PLXDC1: variants seen among roughly 807,000 people sequenced by gnomAD.
PLXDC1 encodes plexin domain-containing protein 1.
A neutral mutation model predicts 61.3 loss-of-function variants in PLXDC1; 39 were observed. That is an observed-to-expected ratio of 0.64 (90% CI 0.49 to 0.83). PLXDC1 has a LOEUF of 0.83. PLXDC1 is among the 40% of genes least tolerant of loss of function. The probability of loss-of-function intolerance (pLI) is 0.00; values close to 1 mark genes in which losing one functional copy is unlikely to be tolerated. For missense variants in PLXDC1, 596 were observed against 666.5 expected (o/e 0.89, Z 1.17); for synonymous variants, 212 against 254.5 (o/e 0.83, Z 1.59).
rs1908858498 is a variant in PLXDC1, at chr17:39,065,428, TCA to T, written c.*2410_*2411del. On this transcript the variant is annotated 3_prime_UTR_variant, in exon 14 of 14. Transcript: ENST00000315392. ...TTTTTTTTTTTTCGGAGACAGGGTC[TCA>T]CTCTGTCACCCAGGCTGGAGTACAG... is the stretch of plus-strand genomic sequence containing the variant. The T allele has an allele frequency of 7.2e-6, 1 of 138,612 alleles. No individual in the cohort carries two copies. The highest frequency in any genetic ancestry group is 1.5e-5 in the Non-Finnish European group (1 of 65,798). 8.6% of individuals were successfully genotyped at this position (138,612 alleles called of 1,614,324 possible).
chr17:39,142,959 G>A (rs888262984), intron 1 of PLXDC1, among the ~76,000 whole-genome samples: 1 of 152,070 alleles, frequency 6.6e-6, no homozygotes, highest in Non-Finnish European at 1.5e-5. Context: ...CCAACATGAC[G>A]AAACCCCGTC....
At chr17:39,100,548 C>G (rs1377660484) in intron 7 of PLXDC1, among the ~76,000 whole-genome samples, 1 of 151,280 alleles carries the variant, frequency 6.6e-6, no homozygotes, top group Non-Finnish European at 1.5e-5. Context: ...AGCCACCGTG[C>G]CTGGCCGCTG....
chr17:39,118,244 G>A lies in PLXDC1; in HGVS notation c.256-8853C>T, dbSNP rs149691663. Among the ~76,000 whole-genome samples the A allele has an allele frequency of 9.1e-3, 1,377 of 150,508 alleles. 20 individuals are homozygous for A. The highest frequency in any genetic ancestry group is 0.031 in the African/African-American group (1,264 of 40,830). On this transcript the variant is annotated intron_variant, in intron 2 of 13. Coordinates refer to ENST00000315392, the MANE Select transcript of PLXDC1 (RefSeq NM_020405.5). ...TTTGAGATGGAGTTTCGTTCTTGTC[G>A]CCCAGGCTGGAGTGCAATGGTGAGA... is the stretch of plus-strand genomic sequence containing the variant.
intron 1 of PLXDC1, among the ~76,000 whole-genome samples, chr17:39,143,153 A>ACAAC (rs1911990911): frequency 6.6e-6 from 1 of 152,172 alleles, no homozygotes; most frequent in Non-Finnish European, 1.5e-5. Context: ...AAATAAATAA[A>ACAAC]CAACACAAAA....
At chr17:39,089,351 C>T (rs989161734) in intron 7 of PLXDC1, among the ~76,000 whole-genome samples, 4 of 152,166 alleles carry the variant, frequency 2.6e-5, no homozygotes, top group Non-Finnish European at 4.4e-5. Flanking sequence ...AGGCCTTTTG[C>T]TGTCTGGTAA....
At chr17:39,075,730 C>A (rs1026489331) in intron 11 of PLXDC1, among the ~76,000 whole-genome samples, 1 of 152,204 alleles carries the variant, frequency 6.6e-6, no homozygotes, top group African/African-American at 2.4e-5. Context: ...CTCCCCCCAG[C>A]CAGGTCCATG....
intron 7 of PLXDC1, among the ~76,000 whole-genome samples, chr17:39,097,326 A>T (rs1910244916): frequency 6.6e-6 from 1 of 152,154 alleles, no homozygotes; most frequent in African/African-American, 2.4e-5. Context: ...GGGTCTGCAG[A>T]CCAGATGGCT....
intron 11 of PLXDC1, among the ~76,000 whole-genome samples, chr17:39,076,245 A>G (rs1308858385): frequency 6.6e-6 from 1 of 152,082 alleles, no homozygotes; most frequent in African/African-American, 2.4e-5. Flanking sequence ...ATGGGGGCTT[A>G]GGCCTGTAAT....
In PLXDC1 at chr17:39,075,907, G is replaced by A. The variant is rs149862208; in HGVS notation, c.1186+2006C>T. On this transcript the variant is annotated intron_variant, in intron 11 of 13. Coordinates refer to ENST00000315392, the MANE Select transcript of PLXDC1 (RefSeq NM_020405.5). ...AGCCTGGCCAACATGGCAAAACCCA[G>A]TCTCTACTAAAAATACAAAAATTAG... Among the ~76,000 whole-genome samples the A allele has an allele frequency of 3.9e-3, 593 of 152,154 alleles. 24 individuals are homozygous for A. In the East Asian group the frequency reaches 0.091, roughly 23 times the overall value.
At chr17:39,093,138 G>A (rs1038135084) in intron 7 of PLXDC1, among the ~76,000 whole-genome samples, 6 of 152,192 alleles carry the variant, frequency 3.9e-5, no homozygotes, top group African/African-American at 1.4e-4. Context: ...TGCAATCACG[G>A]CTCACTGCAG....
At chr17:39,124,846 C>G (rs1239678751) in intron 2 of PLXDC1, among the ~76,000 whole-genome samples, 1 of 152,188 alleles carries the variant, frequency 6.6e-6, no homozygotes, top group Non-Finnish European at 1.5e-5. Flanking sequence ...GACAGTCTCA[C>G]TCTGTTACCC....
chr17:39,071,549 G>A (rs1470720668), intron 12 of PLXDC1, among the ~76,000 whole-genome samples: 1 of 152,176 alleles, frequency 6.6e-6, no homozygotes, highest in Non-Finnish European at 1.5e-5. Flanking sequence ...CTGCCAACAG[G>A]TGGGAGGACT....
intron 2 of PLXDC1, among the ~76,000 whole-genome samples, chr17:39,136,754 A>G (rs990492888): frequency 5.9e-5 from 9 of 152,330 alleles, no homozygotes; most frequent in African/African-American, 2.2e-4. Flanking sequence ...TAAATCTGAA[A>G]ATAAAAAAGA....
chr17:39,109,002 G>C (rs374076779), intron 3 of PLXDC1, 29 bp from the exon 4 acceptor site: 93 of 1,567,856 alleles, frequency 5.9e-5, no homozygotes, highest in Non-Finnish European at 7.9e-6. Flanking sequence ...AGTCAGCACG[G>C]GCCAAGCTGC....
At position 39,078,000 on chromosome 17, in the gene PLXDC1, C is replaced by G; in HGVS notation, c.1099G>C (p.Ala367Pro). ...EDFQDEDHDS[A>P]SPDTSFSPYD... ...GGGCTGAAGGAAGTGTCAGGGGAGG[C>G]TGAGTCGTGGTCCTCATCCTGGAAG... Residue 367 changes from alanine to proline, a missense_variant, in exon 11 of 14, where the codon GCC (alanine) becomes CCC (proline). Ala to Pro is a conservative substitution (Grantham distance 27). Transcript: ENST00000315392. 1 of 1,613,160 alleles carries G rather than the reference C, an allele frequency of 6.2e-7. No individual in the cohort carries two copies. Among genetic ancestry groups the G allele is most frequent in the Non-Finnish European group, 8.5e-7 (1 of 1,179,416 alleles).
intron 7 of PLXDC1, among the ~76,000 whole-genome samples, chr17:39,101,298 G>A (rs758664355): frequency 3.9e-5 from 6 of 152,194 alleles, no homozygotes; most frequent in Non-Finnish European, 7.3e-5. Context: ...ACATTCACAC[G>A]TATCACGTAT....
At chr17:39,073,392 T>C (rs1909201593) in intron 11 of PLXDC1, 1 of 152,232 alleles carries the variant, frequency 6.6e-6, no homozygotes, top group Admixed American at 6.5e-5. Context: ...AATGAATTGA[T>C]TCATCAAAAC....
chr17:39,108,299 T>C, intron 4 of PLXDC1, 54 bp from the exon 5 acceptor site: 3 of 1,597,674 alleles, frequency 1.9e-6, no homozygotes, highest in South Asian at 1.1e-5. Flanking sequence ...AGGGGCCGCT[T>C]TGGGGGCCTT....
rs182777607 is a variant in PLXDC1, at chr17:39,108,883, G to A, written c.469+21C>T. On this transcript the variant is annotated intron_variant, in intron 4 of 13. Coordinates refer to ENST00000315392, the MANE Select transcript of PLXDC1 (RefSeq NM_020405.5). ...GCTGAGGTCTCCAGACTCTCCCCGG[G>A]GCCCCACGACGTGGCCTTACCTCCA... 1.6e-4 allele frequency: 248 copies of A among 1,592,920 alleles called. No individual in the cohort carries two copies. In the African/African-American group the frequency reaches 3.0e-3, roughly 19 times the overall value.
Sources: allele counts gnomAD v4.1 joint callset (sites outside exome capture counted in the v4.1 genomes callset), GRCh38; gene constraint gnomAD v4.1.1; transcripts MANE v1.5; gene names NCBI Gene and HGNC (gene_info 2026-07-23, HGNC 2026-07-21).